The following GALNT13 variants were observed in gnomAD, a reference collection of about 807,000 sequenced individuals.
The protein encoded by GALNT13 is UDP-GalNAc:polypeptide N-acetylgalactosaminyltransferase 13.
In GALNT13, 28 loss-of-function variants were observed where a neutral mutation model predicts 64.2. The ratio of observed to expected loss-of-function variants is 0.44; its 90% CI spans 0.32 to 0.60. The LOEUF (loss-of-function observed/expected upper bound fraction) is 0.60. GALNT13 is among the 20% of genes least tolerant of loss of function. The probability of loss-of-function intolerance (pLI) is 0.05; values close to 1 mark genes in which losing one functional copy is unlikely to be tolerated. For synonymous variants in GALNT13, 214 were observed against 224.6 expected (o/e 0.95, Z 0.42); for missense variants, 577 against 669.8 (o/e 0.86, Z 1.53).
At chr2:153,956,462 G>A (rs1256559953) in intron 3 of GALNT13, among the ~76,000 whole-genome samples, 2 of 151,892 alleles carry the variant, frequency 1.3e-5, no homozygotes, top group Non-Finnish European at 2.9e-5. Context: ...CAAGACTTAT[G>A]CAGATCATCT....
the GALNT13 span, among the ~76,000 whole-genome samples, chr2:153,648,635 G>A: frequency 4.6e-5 from 7 of 152,096 alleles, no homozygotes; most frequent in South Asian, 2.1e-4. Flanking sequence ...TTTGAGATAC[G>A]TCCCATCAAT....
chr2:153,100,611 T>C, the GALNT13 span, among the ~76,000 whole-genome samples: 5 of 152,346 alleles, frequency 3.3e-5, no homozygotes, highest in African/African-American at 9.6e-5. Context: ...GAGTCTCTTC[T>C]TTGCTCACCT....
the GALNT13 span, among the ~76,000 whole-genome samples, chr2:153,078,963 T>C: frequency 6.6e-6 from 1 of 152,176 alleles, no homozygotes; most frequent in African/African-American, 2.4e-5. Flanking sequence ...GGGTCATATA[T>C]GGTTAATAGT....
At chr2:153,872,859 C>T (rs929823187) in intron 1 of GALNT13, among the ~76,000 whole-genome samples, 1 of 152,120 alleles carries the variant, frequency 6.6e-6, no homozygotes, top group South Asian at 2.1e-4. Context: ...CCTCTTGCCT[C>T]TCATTCTCGC....
chr2:154,262,681 C>A (rs988586036), intron 8 of GALNT13, among the ~76,000 whole-genome samples: 8 of 151,962 alleles, frequency 5.3e-5, no homozygotes, highest in African/African-American at 1.9e-4. Context: ...AAACTTTGTG[C>A]TCTTATGGAA....
rs771438330 is a variant in GALNT13 at position 154,396,224 on chromosome 2, G to C, written c.1296+94G>C. On this transcript the variant is annotated intron_variant, in intron 10 of 12. Transcript: ENST00000392825. ...GTATTTTTTATGTTATGAAAATGCT[G>C]TAAGGGATTTTTAATTAGATCTGTT... 14 of 742,940 alleles carry C rather than the reference G, an allele frequency of 1.9e-5. 1 individual carries two copies. The highest frequency in any genetic ancestry group is 5.5e-5 in the African/African-American group (3 of 54,886). 46.0% of individuals were successfully genotyped at this position (742,940 alleles called of 1,614,324 possible). A position where few individuals can be genotyped will look rare whatever the true frequency, so the allele number is the denominator to read the frequency against.
chr2:153,930,957 A>G (rs1043307664), intron 2 of GALNT13, among the ~76,000 whole-genome samples: 2 of 152,030 alleles, frequency 1.3e-5, no homozygotes, highest in Non-Finnish European at 2.9e-5. Flanking sequence ...TCTCATGAGC[A>G]TAGACTGTTT....
the GALNT13 span, among the ~76,000 whole-genome samples, chr2:153,438,679 G>A: frequency 6.6e-6 from 1 of 152,022 alleles, no homozygotes. Context: ...AGCTCCATCA[G>A]GTCCTTTAAG....
intron 3 of GALNT13, among the ~76,000 whole-genome samples, chr2:154,086,933 C>T (rs1340265705): frequency 6.6e-6 from 1 of 152,036 alleles, no homozygotes; most frequent in African/African-American, 2.4e-5. Flanking sequence ...ATTTAGTTCA[C>T]CACATGCACT....
chr2:154,136,767 A>G (rs1682977201), intron 3 of GALNT13, among the ~76,000 whole-genome samples: 2 of 152,098 alleles, frequency 1.3e-5, no homozygotes, highest in South Asian at 4.1e-4. Context: ...TCACTATATA[A>G]TTAGGAAGAA....
chr2:154,293,950 G>C (rs1376394470), intron 8 of GALNT13, among the ~76,000 whole-genome samples: 1 of 152,128 alleles, frequency 6.6e-6, no homozygotes, highest in African/African-American at 2.4e-5. Context: ...ACTATGAGTA[G>C]ATATTAACTT....
chr2:153,824,181 T>A, the GALNT13 span, among the ~76,000 whole-genome samples: 2 of 152,150 alleles, frequency 1.3e-5, no homozygotes, highest in Non-Finnish European at 2.9e-5. Flanking sequence ...TATAGCTATA[T>A]ACACTGTATA....
the GALNT13 span, among the ~76,000 whole-genome samples, chr2:153,633,187 G>A: frequency 2.6e-5 from 4 of 152,038 alleles, no homozygotes; most frequent in African/African-American, 9.7e-5. Flanking sequence ...CAAGGAAATG[G>A]CTAAGCATAC....
the GALNT13 span, among the ~76,000 whole-genome samples, chr2:153,770,253 C>A: frequency 7.3e-6 from 1 of 136,710 alleles, no homozygotes; most frequent in African/African-American, 2.7e-5. Context: ...GATGAAATTT[C>A]CCACCCTACC....
At chr2:154,423,382 G>T (rs1320013075) in intron 11 of GALNT13, among the ~76,000 whole-genome samples, 2 of 152,130 alleles carry the variant, frequency 1.3e-5, no homozygotes, top group Non-Finnish European at 2.9e-5. Flanking sequence ...ACGTGTGCAT[G>T]TGTCTTTATA....
At chr2:153,186,855 T>C in the GALNT13 span, among the ~76,000 whole-genome samples, 2 of 152,224 alleles carry the variant, frequency 1.3e-5, no homozygotes, top group Non-Finnish European at 2.9e-5. Context: ...CATAAGCCAC[T>C]GTGCCCAGCC....
the GALNT13 span, among the ~76,000 whole-genome samples, chr2:153,604,563 T>C: frequency 6.6e-6 from 1 of 152,060 alleles, no homozygotes; most frequent in Non-Finnish European, 1.5e-5. Context: ...AATTGCTATC[T>C]AGATAAACCT....
intron 9 of GALNT13, among the ~76,000 whole-genome samples, chr2:154,306,613 T>TTTG (rs1269851049): frequency 2.8e-3 from 59 of 21,388 alleles, no homozygotes; most frequent in Non-Finnish European, 0.011. Context: ...TTAAGGATAA[T>TTTG]TTGGTGGGGG....
chr2:154,242,304 T>A, intron 5 of GALNT13, 108 bp downstream of exon 5: 1 of 903,052 alleles, frequency 1.1e-6, no homozygotes. Flanking sequence ...GGCAATGATC[T>A]ATATTTGCAT....
Sources: allele counts gnomAD v4.1 joint callset (sites outside exome capture counted in the v4.1 genomes callset), GRCh38; gene constraint gnomAD v4.1.1; transcripts MANE v1.5; gene names NCBI Gene and HGNC (gene_info 2026-07-23, HGNC 2026-07-21).